CRTC3: variants seen among roughly 807,000 people sequenced by gnomAD.
The protein encoded by CRTC3 is CREB regulated transcription coactivator 3, also known as CREB-regulated transcription coactivator 3.
A neutral mutation model predicts 74.5 loss-of-function variants in CRTC3; 26 were observed. The ratio of observed to expected loss-of-function variants is 0.35; its 90% confidence interval spans 0.26 to 0.48. The LOEUF (loss-of-function observed/expected upper bound fraction) is 0.48. CRTC3 is among the 20% of genes least tolerant of loss of function. The pLI, the probability that CRTC3 is intolerant of heterozygous loss-of-function variation, is 0.99. For missense variants in CRTC3, 760 were observed against 787.3 expected, an observed-to-expected ratio of 0.97 and a Z score of 0.41; for synonymous variants, 377 against 325.8, an observed-to-expected ratio of 1.16 and a Z score of -1.69.
In CRTC3 at chr15:90,619,786, G is replaced by A; in HGVS notation, c.745G>A (p.Gly249Ser). The A allele has an allele frequency of 1.2e-6, 2 of 1,612,814 alleles. No individual in the cohort carries two copies. The highest frequency in any genetic ancestry group is 1.7e-6 in the Non-Finnish European group (2 of 1,178,824). Residue 249 changes from glycine (G) to serine (S), a missense_variant, in exon 9 of 15, where the codon GGC becomes AGC. This residue lies in a region of CRTC3 where 652 missense variants were observed against 635.2 expected (regional missense o/e 1.03). Transcript: ENST00000268184. The stretch of plus-strand genomic sequence containing the variant: ...CCCTCGATCCTGTGATGTTGGAGGT[G>A]GCAAGTAAGTAATATTCTTTCTGTT... Reference protein sequence around the residue: ...GRPRSCDVGGGNAFPHNGQNL... With the variant: ...GRPRSCDVGGSNAFPHNGQNL...
chr15:90,594,279 A>G (rs950509975), intron 3 of CRTC3: 1 of 152,456 alleles, frequency 6.6e-6, no homozygotes, highest in Admixed American at 6.5e-5. Flanking sequence ...AGTGATGTAC[A>G]GTCACACCAA....
chr15:90,599,239 C>T (rs952269974), intron 3 of CRTC3: 2 of 151,898 alleles, frequency 1.3e-5, no homozygotes, highest in African/African-American at 4.8e-5. Context: ...GGAAATCTTC[C>T]TTGAGCCAAA....
intron 7 of CRTC3, among the ~76,000 whole-genome samples, chr15:90,616,800 T>C (rs1300382402): frequency 6.6e-6 from 1 of 152,202 alleles, no homozygotes; most frequent in Admixed American, 6.5e-5. Context: ...TTTATACAGG[T>C]TGTTTCATAG....
At chr15:90,625,674 T>C in intron 9 of CRTC3, 102 bp from the exon 10 acceptor site, 3 of 1,048,984 alleles carry the variant, frequency 2.9e-6, no homozygotes, top group South Asian at 2.8e-5. Flanking sequence ...CGGTCTTTTG[T>C]AGCCACTGCT....
In CRTC3 at chr15:90,562,382, A is replaced by G. The variant is rs557459022; in HGVS notation, c.231+22245A>G. Reference sequence around the variant, plus strand: ...CTTAAACAGTAACATGCCCAAGGTCACACAAGTGGCAAGTGACAGTCAGGA... The same window carrying G: ...CTTAAACAGTAACATGCCCAAGGTCGCACAAGTGGCAAGTGACAGTCAGGA... On this transcript the variant is annotated intron_variant, in intron 2 of 14. Transcript: ENST00000268184. Among the ~76,000 whole-genome samples, 4 of 152,310 alleles carry G rather than the reference A, an allele frequency of 2.6e-5. No individual in the cohort carries two copies. The South Asian group carries it at 8.3e-4, about 32-fold the overall frequency.
chr15:90,614,445 C>A lies in CRTC3; in HGVS notation c.578-8C>A, dbSNP rs1170179027. 2 of 1,603,856 alleles carry A rather than the reference C, an allele frequency of 1.2e-6. No individual in the cohort carries two copies. The highest frequency in any genetic ancestry group is 1.7e-5 in the Admixed American group (1 of 59,704). On this transcript the variant is annotated splice_polypyrimidine_tract_variant and splice_region_variant and intron_variant, in intron 6 of 14. Coordinates refer to ENST00000268184, the MANE Select transcript of CRTC3 (RefSeq NM_022769.5). ...TGTTTTCTTTTTTTCTTTTTCCTTT[C>A]CCGCTAGGTTTCTGTGATGGTGAGA...
chr15:90,591,472 G>A (rs2151077163), intron 2 of CRTC3, among the ~76,000 whole-genome samples: 1 of 152,178 alleles, frequency 6.6e-6, no homozygotes, highest in East Asian at 1.9e-4. Context: ...CTGCTTTTGG[G>A]AACGCCTTCT....
intron 9 of CRTC3, among the ~76,000 whole-genome samples, chr15:90,622,800 A>G (rs1303560772): frequency 1.3e-5 from 2 of 149,806 alleles, no homozygotes; most frequent in Admixed American, 6.6e-5. Flanking sequence ...GCAGTGAGCC[A>G]AGATCGCACC....
intron 9 of CRTC3, among the ~76,000 whole-genome samples, chr15:90,625,366 T>C (rs921653701): frequency 2.0e-5 from 3 of 151,668 alleles, no homozygotes; most frequent in South Asian, 2.1e-4. Context: ...TTTAAAAATA[T>C]ATCTTGGAAG....
At chr15:90,545,563 C>G in intron 2 of CRTC3, among the ~76,000 whole-genome samples, 1 of 149,340 alleles carries the variant, frequency 6.7e-6, no homozygotes, top group South Asian at 2.1e-4. Context: ...CCACACCTGG[C>G]TAATTTTTGT....
At chr15:90,626,705 A>G (rs530893936) in intron 10 of CRTC3, among the ~76,000 whole-genome samples, 1 of 149,542 alleles carries the variant, frequency 6.7e-6, no homozygotes, top group African/African-American at 2.5e-5. Flanking sequence ...TCTGCTTCCC[A>G]GGTTCAAGCA....
At chr15:90,556,737 G>T (rs1966897486) in intron 2 of CRTC3, among the ~76,000 whole-genome samples, 1 of 152,010 alleles carries the variant, frequency 6.6e-6, no homozygotes, top group Admixed American at 6.6e-5. Context: ...ATTATGCACA[G>T]AAAATCTACA....
intron 2 of CRTC3, among the ~76,000 whole-genome samples, chr15:90,582,395 A>G (rs148634939): frequency 2.4e-4 from 37 of 152,344 alleles, no homozygotes; most frequent in Middle Eastern, 6.8e-3. Context: ...CTGCTATGCC[A>G]TCCCTGAGAA....
intron 2 of CRTC3, among the ~76,000 whole-genome samples, chr15:90,582,441 T>C (rs1416145229): frequency 6.6e-6 from 1 of 152,220 alleles, no homozygotes; most frequent in Non-Finnish European, 1.5e-5. Context: ...TCGTGGAAAT[T>C]TGTAGCTGTA....
Position 90,638,630 on chromosome 15 carries a change from A to C in CRTC3, c.1451A>C (p.Gln484Pro). The C allele has an allele frequency of 6.8e-6, 11 of 1,613,466 alleles. No individual in the cohort carries two copies. The highest frequency in any genetic ancestry group is 9.3e-6 in the Non-Finnish European group (11 of 1,179,984). The change falls in exon 12 of 15, where the codon CAG (glutamine) becomes CCG (proline). Residue 484 changes from glutamine to proline, a missense_variant. This residue lies in a region of CRTC3 where 652 missense variants were observed against 635.2 expected (regional missense o/e 1.03). Transcript: ENST00000268184. ...TCCTCACTGCCACAGTCAGACTTTC[A>C]GCTTCTCCCGGCCCAGGTGAGTTCT... ...AASSLPQSDFQLLPAQGSSLT... is the reference protein window; with the variant it reads ...AASSLPQSDFPLLPAQGSSLT...
At chr15:90,639,888 A>C (rs994478746) in intron 13 of CRTC3, among the ~76,000 whole-genome samples, 7 of 151,846 alleles carry the variant, frequency 4.6e-5, no homozygotes, top group African/African-American at 1.7e-4. Flanking sequence ...TCTACTAAAA[A>C]ATACAAAAAA....
At chr15:90,532,312 T>G (rs1213148487) in intron 1 of CRTC3, among the ~76,000 whole-genome samples, 2 of 152,212 alleles carry the variant, frequency 1.3e-5, no homozygotes, top group Non-Finnish European at 2.9e-5. Flanking sequence ...ACACTTCTCA[T>G]AGAGAACTCT....
intron 3 of CRTC3, among the ~76,000 whole-genome samples, chr15:90,599,743 T>A (rs774184659): frequency 1.3e-5 from 2 of 152,246 alleles, no homozygotes; most frequent in Non-Finnish European, 2.9e-5. Flanking sequence ...ACCTCAACAT[T>A]GAAATCACCA....
intron 2 of CRTC3, among the ~76,000 whole-genome samples, chr15:90,554,078 T>C (rs1183929827): frequency 6.6e-6 from 1 of 152,218 alleles, no homozygotes; most frequent in East Asian, 1.9e-4. Flanking sequence ...CTCATTTTTC[T>C]CACCTGTAAA....
Sources: gnomAD v4.1 joint callset for allele counts (sites outside exome capture counted in the v4.1 genomes callset) on GRCh38, gnomAD v4.1.1 for gene constraint, gnomAD v4.1.1 regional missense constraint, MANE v1.5 for transcripts, NCBI Gene and HGNC (gene_info 2026-07-23, HGNC 2026-07-21) for gene names.